The following LRRC49 variants were observed in gnomAD, a reference collection of about 807,000 sequenced individuals.
LRRC49 encodes the protein leucine-rich repeat-containing protein 49.
LRRC49 carries 50 observed loss-of-function variants against 83.3 expected under a neutral mutation model. That is an observed-to-expected ratio of 0.60 (90% CI 0.48 to 0.76). The LOEUF is 0.76. LRRC49 is among the 30% of genes least tolerant of loss of function. The pLI is 0.00. For missense variants in LRRC49, 704 were observed against 809.1 expected (o/e 0.87, Z 1.58); for synonymous variants, 286 against 283.3 (o/e 1.01, Z -0.10).
intron 8 of LRRC49, among the ~76,000 whole-genome samples, chr15:70,945,519 C>CTGTGTGTG (rs749607668): frequency 0.021 from 2,907 of 135,784 alleles, 66 homozygotes; most frequent in East Asian, 0.079. Flanking sequence ...ATTTAACAAC[C>CTGTGTGTG]TGTGTGTGTG....
At chr15:71,042,614 A>G (rs1318862387) in intron 15 of LRRC49, among the ~76,000 whole-genome samples, 1 of 152,192 alleles carries the variant, frequency 6.6e-6, no homozygotes, top group African/African-American at 2.4e-5. Flanking sequence ...ACTGCAGCAC[A>G]AAGTGCTCAG....
intron 8 of LRRC49, among the ~76,000 whole-genome samples, chr15:70,941,590 C>T (rs972476955): frequency 2.0e-5 from 3 of 151,808 alleles, no homozygotes; most frequent in African/African-American, 7.3e-5. Context: ...TGTTGTATTC[C>T]TTTTGCATTA....
chr15:70,965,344 T>G (rs2036757757), intron 9 of LRRC49, among the ~76,000 whole-genome samples: 1 of 152,142 alleles, frequency 6.6e-6, no homozygotes, highest in African/African-American at 2.4e-5. Context: ...ACCTACAGAT[T>G]ACTAGCATCT....
chr15:70,956,092 T>C (rs1435976394), intron 8 of LRRC49, among the ~76,000 whole-genome samples: 1 of 152,188 alleles, frequency 6.6e-6, no homozygotes, highest in Admixed American at 6.5e-5. Flanking sequence ...GCCCTTTTTC[T>C]AAAGTACTTA....
chr15:70,978,862 CA>C (rs2037300370), intron 9 of LRRC49, among the ~76,000 whole-genome samples: 1 of 152,096 alleles, frequency 6.6e-6, no homozygotes, highest in African/African-American at 2.4e-5. Context: ...CTCTATTTTC[CA>C]GTTGACTGAT....
chr15:70,964,917 TGCGTTG>T (rs1273079492), intron 9 of LRRC49, among the ~76,000 whole-genome samples: 2 of 152,162 alleles, frequency 1.3e-5, no homozygotes, highest in Non-Finnish European at 2.9e-5. Flanking sequence ...TTTTCATTTA[TGCGTTG>T]GCAATACTGT....
intron 7 of LRRC49, 159 bp from the exon 8 acceptor site, chr15:70,936,602 G>T: frequency 3.5e-6 from 2 of 577,292 alleles, no homozygotes; most frequent in East Asian, 2.8e-5. Context: ...CATTTAATCT[G>T]CAGTGGAGGA....
intron 11 of LRRC49, among the ~76,000 whole-genome samples, chr15:70,991,617 A>C (rs1309401769): frequency 6.6e-6 from 1 of 152,164 alleles, no homozygotes; most frequent in Non-Finnish European, 1.5e-5. Flanking sequence ...TTTTTGATCC[A>C]TTTGGTTTAA....
Position 70,901,003 on chromosome 15 carries a change from C to T in LRRC49, c.275C>T (p.Ser92Leu), listed in dbSNP as rs2034051839. 2 of 1,608,586 alleles carry T rather than the reference C, an allele frequency of 1.2e-6. No homozygotes were observed. Among genetic ancestry groups the T allele is most frequent in the Admixed American group, 1.7e-5 (1 of 59,580 alleles). The change falls in exon 4 of 16, where the codon TCA (serine) becomes TTA (leucine). Residue 92 changes from serine to leucine, a missense_variant. Physicochemically the swap from Ser to Leu is moderately radical, Grantham distance 145 (BLOSUM62 -2). Transcript: ENST00000260382. ...TCTTCTGAAGAGAAAATTCTTTACT[C>T]AGACAGGTTGAGCCTAGAAAGGTGA... is the stretch of plus-strand genomic sequence containing the variant. ...QRSSEEKILYSDRLSLERQKL... is the reference protein window; with the variant it reads ...QRSSEEKILYLDRLSLERQKL...
chr15:70,860,697 T>G (rs1171742094), intron 1 of LRRC49, among the ~76,000 whole-genome samples: 1 of 152,238 alleles, frequency 6.6e-6, no homozygotes, highest in East Asian at 1.9e-4. Context: ...CTATAGTTTA[T>G]TTCTAACTTC....
chr15:70,994,887 A>G (rs1432484394), intron 11 of LRRC49, among the ~76,000 whole-genome samples: 5 of 152,248 alleles, frequency 3.3e-5, no homozygotes, highest in Non-Finnish European at 5.9e-5. Flanking sequence ...TTGTTATGAC[A>G]GTAACGTCAC....
At chr15:70,918,960 G>A (rs771552076) in intron 6 of LRRC49, 90 bp from the exon 7 acceptor site, 4 of 1,030,310 alleles carry the variant, frequency 3.9e-6, no homozygotes, top group Non-Finnish European at 5.6e-6. Flanking sequence ...TAAATCTAGT[G>A]ACTTCGAATA....
chr15:71,036,214 T>C (rs2039514721), intron 14 of LRRC49, among the ~76,000 whole-genome samples: 1 of 152,204 alleles, frequency 6.6e-6, no homozygotes, highest in African/African-American at 2.4e-5. Context: ...GTAAATTTGT[T>C]TAAGTTCTTT....
At chr15:70,946,179 C>T (rs1272982291) in intron 8 of LRRC49, among the ~76,000 whole-genome samples, 1 of 152,052 alleles carries the variant, frequency 6.6e-6, no homozygotes, top group Non-Finnish European at 1.5e-5. Flanking sequence ...AATATAATCA[C>T]CATGTTGAAC....
At chr15:70,970,489 C>T (rs1005397646) in intron 9 of LRRC49, among the ~76,000 whole-genome samples, 6 of 152,142 alleles carry the variant, frequency 3.9e-5, no homozygotes, top group African/African-American at 1.4e-4. Context: ...CAGGATGATG[C>T]TGGCCTCATA....
At chr15:70,923,728 C>T (rs191600618) in intron 7 of LRRC49, among the ~76,000 whole-genome samples, 6 of 151,834 alleles carry the variant, frequency 4.0e-5, no homozygotes, top group Middle Eastern at 3.4e-3. Context: ...AAAATGCACC[C>T]GGATTCTCTA....
chr15:70,935,935 A>G (rs2035579758), intron 7 of LRRC49, among the ~76,000 whole-genome samples: 1 of 152,170 alleles, frequency 6.6e-6, no homozygotes, highest in Non-Finnish European at 1.5e-5. Flanking sequence ...AGACTTGGTA[A>G]TTACCAAGCG....
chr15:71,051,501 T>C lies in LRRC49; in HGVS notation c.*1889T>C, dbSNP rs1392986934. The C allele has an allele frequency of 6.6e-6, 1 of 152,292 alleles. No homozygotes were observed. Among genetic ancestry groups the C allele is most frequent in the Non-Finnish European group, 1.5e-5 (1 of 68,106 alleles). The allele number at this position is 152,292 out of a possible 1,614,324, so 9.4% of individuals were successfully genotyped here. A position where few individuals can be genotyped will look rare whatever the true frequency, so the allele number is the denominator to read the frequency against. ...TTGGTATAGAAATGAGATCCCAGCT[T>C]GAAGGTGATGTTGAGAGGAGAACCA... On this transcript the variant is annotated 3_prime_UTR_variant, in exon 16 of 16. Coordinates refer to ENST00000260382, the MANE Select transcript of LRRC49 (RefSeq NM_017691.5).
intron 9 of LRRC49, among the ~76,000 whole-genome samples, chr15:70,973,856 C>T (rs1053918146): frequency 3.7e-4 from 56 of 152,006 alleles, no homozygotes; most frequent in African/African-American, 1.3e-3. Flanking sequence ...TGGCCCAGTG[C>T]GGTGGCTTAC....
Sources: allele counts gnomAD v4.1 joint callset (sites outside exome capture counted in the v4.1 genomes callset), GRCh38; gene constraint gnomAD v4.1.1; transcripts MANE v1.5; gene names NCBI Gene and HGNC (gene_info 2026-07-23, HGNC 2026-07-21).